The following RNF7 variants were observed in gnomAD, a reference collection of about 807,000 sequenced individuals.
The protein encoded by RNF7 is ring finger protein 7, also known as RING-box protein 2.
In RNF7, 9 loss-of-function variants were observed where a neutral mutation model predicts 17.0. The observed-to-expected ratio is 0.53, with a 90% CI of 0.32 to 0.92. The LOEUF is 0.92. Ranked by LOEUF, RNF7 falls within the 40% of genes least tolerant of loss-of-function variation. The probability of loss-of-function intolerance (pLI) is 0.04; values close to 1 mark genes in which losing one functional copy is unlikely to be tolerated. For synonymous variants in RNF7, 59 were observed against 50.5 expected, an observed-to-expected ratio of 1.17 and a Z score of -0.72; for missense variants, 87 against 145.8, an observed-to-expected ratio of 0.60 and a Z score of 2.08.
intron 1 of RNF7, among the ~76,000 whole-genome samples, chr3:141,742,079 T>C (rs1016247323): frequency 6.6e-6 from 1 of 152,188 alleles, no homozygotes; most frequent in African/African-American, 2.4e-5. Flanking sequence ...TTGCACAGAT[T>C]ATTTCATCAC....
chr3:141,738,869 A>C (rs2084385971), intron 1 of RNF7, among the ~76,000 whole-genome samples: 1 of 152,220 alleles, frequency 6.6e-6, no homozygotes, highest in Admixed American at 6.5e-5. Flanking sequence ...CTAGCAGGAA[A>C]CACTTCGGTT....
Position 141,745,602 on chromosome 3 carries a change from A to G in RNF7, c.*325A>G, listed in dbSNP as rs2084463947. On this transcript the variant is annotated 3_prime_UTR_variant, in exon 3 of 3. Coordinates refer to ENST00000273480, the MANE Select transcript of RNF7 (RefSeq NM_014245.5). ...TTTATAATTTACCCATTTCTATACAACAGGCAGTGGAAGCAGTTTCAGAGA... is the reference window on the plus strand; with the variant it reads ...TTTATAATTTACCCATTTCTATACAGCAGGCAGTGGAAGCAGTTTCAGAGA... 7.2e-6 allele frequency: 1 copy of G among 138,798 alleles called. No homozygotes were observed. Among genetic ancestry groups the G allele is most frequent in the Admixed American group, 7.7e-5 (1 of 12,976 alleles). The allele number at this position is 138,798 out of a possible 1,614,324, so 8.6% of individuals were successfully genotyped here. A position where few individuals can be genotyped will look rare whatever the true frequency, so the allele number is the denominator to read the frequency against.
At chr3:141,740,809 A>G (rs1439479168) in intron 1 of RNF7, among the ~76,000 whole-genome samples, 2 of 152,232 alleles carry the variant, frequency 1.3e-5, no homozygotes, top group Non-Finnish European at 2.9e-5. Flanking sequence ...CATCAGAGCT[A>G]TAAGTGTAAT....
intron 1 of RNF7, 96 bp downstream of exon 1, chr3:141,738,612 G>A (rs978273863): frequency 1.3e-5 from 17 of 1,319,868 alleles, no homozygotes; most frequent in East Asian, 5.4e-5. Context: ...GCCTCGGAAA[G>A]TGCCCTGCCT....
At chr3:141,743,165 A>G (rs2084438497) in intron 1 of RNF7, 1 of 216,056 alleles carries the variant, frequency 4.6e-6, no homozygotes, top group African/African-American at 2.3e-5. Flanking sequence ...CTTGAAAATA[A>G]ACTGTCCATG....
Position 141,745,398 on chromosome 3 carries a change from T to C in RNF7, c.*121T>C. The C allele has an allele frequency of 3.3e-6, 2 of 611,672 alleles. No individual in the cohort carries two copies. Among genetic ancestry groups the C allele is most frequent in the Non-Finnish European group, 5.8e-6 (2 of 342,882 alleles). 37.9% of individuals were successfully genotyped at this position (611,672 alleles called of 1,614,324 possible). A position where few individuals can be genotyped will look rare whatever the true frequency, so the allele number is the denominator to read the frequency against. On this transcript the variant is annotated 3_prime_UTR_variant, in exon 3 of 3. Transcript: ENST00000273480. ...TTCTTCAAATAGGAGCCGATGGATC[T>C]GTGGTCCTTTGGGACTCATCAAAGC...
chr3:141,744,985 CTG>C (rs1263905018), intron 2 of RNF7, among the ~76,000 whole-genome samples, 172 bp from the exon 3 acceptor site: 2 of 152,278 alleles, frequency 1.3e-5, no homozygotes, highest in East Asian at 1.9e-4. Flanking sequence ...ACTTATGTCT[CTG>C]TGTAACTTAC....
chr3:141,744,630 A>C (rs2084454047), intron 2 of RNF7, among the ~76,000 whole-genome samples: 2 of 152,214 alleles, frequency 1.3e-5, no homozygotes, highest in African/African-American at 4.8e-5. Flanking sequence ...GAGGAATTGC[A>C]CTGCTTATGG....
intron 2 of RNF7, 150 bp downstream of exon 2, chr3:141,743,706 C>A: frequency 1.8e-6 from 1 of 542,430 alleles, no homozygotes; most frequent in South Asian, 3.5e-5. Context: ...TGTTGGTTCT[C>A]AAAAGAGTTT....
At position 141,745,144 on chromosome 3, in the gene RNF7, TTTTC is replaced by T. The variant is rs142463798; in HGVS notation, c.224-6_224-3del. ...TGAAATATGTAATGTCAACTCTTCT[TTTTC>T]TTTCTTTCAGTGGTCTGGGGAGAAT... On this transcript the variant is annotated splice_polypyrimidine_tract_variant and intron_variant, in intron 2 of 2. Coordinates refer to ENST00000273480, the MANE Select transcript of RNF7 (RefSeq NM_014245.5). 1,610 of 1,556,360 alleles carry T rather than the reference TTTTC, an allele frequency of 1.0e-3. 20 individuals carry two copies. The African/African-American group carries it at 0.02, about 19-fold the overall frequency.
chr3:141,743,865 T>C (rs567669262), intron 2 of RNF7, among the ~76,000 whole-genome samples: 1 of 152,298 alleles, frequency 6.6e-6, no homozygotes, highest in South Asian at 2.1e-4. Context: ...GTCAAAACAT[T>C]ATTTGAATTT....
At chr3:141,744,821 A>C (rs576320677) in intron 2 of RNF7, among the ~76,000 whole-genome samples, 79 of 152,344 alleles carry the variant, frequency 5.2e-4, no homozygotes, top group Admixed American at 1.4e-3. Context: ...GAAGATCTCT[A>C]AGGTCAGTGC....
At position 141,738,419 on chromosome 3, in the gene RNF7, C is replaced by T; in HGVS notation, c.78C>T (p.Gly26=). The part of the protein sequence containing the change: ...HSGSSGSKSG[G]DKMFSLKKWN... ...GGAGCTCAGGCTCCAAGTCGGGAGGCGACAAGATGTTCTCCCTCAAGAAGT... is the reference window on the plus strand; with the variant it reads ...GGAGCTCAGGCTCCAAGTCGGGAGGTGACAAGATGTTCTCCCTCAAGAAGT... Residue 26 remains glycine, a synonymous_variant, in exon 1 of 3, where the codon GGC becomes GGT. Transcript: ENST00000273480. The T allele has an allele frequency of 6.2e-7, 1 of 1,611,442 alleles. No homozygotes were observed. Among genetic ancestry groups the T allele is most frequent in the South Asian group, 1.1e-5 (1 of 90,452 alleles).
intron 1 of RNF7, among the ~76,000 whole-genome samples, chr3:141,740,950 T>C (rs931314106): frequency 6.6e-6 from 1 of 152,202 alleles, no homozygotes; most frequent in African/African-American, 2.4e-5. Flanking sequence ...CATTCTGATA[T>C]GGATAACACT....
At position 141,738,503 on chromosome 3, in the gene RNF7, G is replaced by A. The variant is rs1559830578; in HGVS notation, c.162G>A (p.Arg54=). Residue 54 remains arginine (R), a synonymous_variant, in exon 1 of 3, where the codon AGG becomes AGA. Coordinates refer to ENST00000273480, the MANE Select transcript of RNF7 (RefSeq NM_014245.5). ...DVECDTCAIC[R]VQVMDACLRC... is the part of the protein sequence containing the mutation. ...AGTGCGATACGTGCGCCATCTGCAG[G>A]GTCCAGGTGATGGGTAAGCGCTGCA... 6.2e-7 allele frequency: 1 copy of A among 1,613,252 alleles called. No individual in the cohort carries two copies. Among genetic ancestry groups the A allele is most frequent in the East Asian group, 2.2e-5 (1 of 44,842 alleles).
At chr3:141,739,642 CTG>C (rs1050596136) in intron 1 of RNF7, among the ~76,000 whole-genome samples, 22 of 152,304 alleles carry the variant, frequency 1.4e-4, no homozygotes, top group African/African-American at 4.8e-4. Context: ...GGGGGTGAGA[CTG>C]TAAACATACC....
chr3:141,741,204 C>T (rs776814732), intron 1 of RNF7, among the ~76,000 whole-genome samples: 5 of 152,208 alleles, frequency 3.3e-5, no homozygotes, highest in Admixed American at 2.6e-4. Context: ...ACAGAACTAG[C>T]GCCAGATTCA....
chr3:141,739,136 C>A (rs961750036), intron 1 of RNF7, among the ~76,000 whole-genome samples: 1 of 152,176 alleles, frequency 6.6e-6, no homozygotes, highest in African/African-American at 2.4e-5. Flanking sequence ...GGTCAGATAG[C>A]ACTAGCGTGG....
In RNF7 at chr3:141,746,975, G is replaced by C. The variant is rs1487622530; in HGVS notation, c.*1698G>C. On this transcript the variant is annotated 3_prime_UTR_variant, in exon 3 of 3. Coordinates refer to ENST00000273480, the MANE Select transcript of RNF7 (RefSeq NM_014245.5). ...TTCTGTTTGACCTTTTTAGAAGGTT[G>C]CATCCTTAAAATGTGAACCAGATAC... 6.6e-6 allele frequency: 1 copy of C among 152,218 alleles called. No individual in the cohort carries two copies. The highest frequency in any genetic ancestry group is 1.5e-5 in the Non-Finnish European group (1 of 68,042). The allele number at this position is 152,218 out of a possible 1,614,324, so 9.4% of individuals were successfully genotyped here. A position where few individuals can be genotyped will look rare whatever the true frequency, so the allele number is the denominator to read the frequency against.
Sources: allele counts gnomAD v4.1 joint callset (sites outside exome capture counted in the v4.1 genomes callset), GRCh38; gene constraint gnomAD v4.1.1; transcripts MANE v1.5; gene names NCBI Gene and HGNC (gene_info 2026-07-23, HGNC 2026-07-21).